Variants in RASGEF1A observed in about 807,000 individuals in gnomAD.
RASGEF1A encodes the protein RasGEF domain family member 1A, also known as ras-GEF domain-containing family member 1A.
In RASGEF1A, 18 loss-of-function variants were observed where a neutral mutation model predicts 56.4. That is an observed-to-expected ratio of 0.32 (90% CI 0.22 to 0.47). RASGEF1A has a LOEUF of 0.47. RASGEF1A is among the 20% of genes least tolerant of loss of function. The pLI is 1.00. For missense variants in RASGEF1A, 422 were observed against 627.1 expected (o/e 0.67, Z 3.49); for synonymous variants, 245 against 242.6 (o/e 1.01, Z -0.09).
intron 1 of RASGEF1A, among the ~76,000 whole-genome samples, chr10:43,216,174 C>A (rs1386200717): frequency 6.6e-6 from 1 of 152,148 alleles, no homozygotes; most frequent in African/African-American, 2.4e-5. Context: ...TGGCCTGGTC[C>A]CCACCCTGCC....
chr10:43,201,947 TG>T lies in RASGEF1A; in HGVS notation c.322-3del, dbSNP rs1839906631. 6.2e-7 allele frequency: 1 copy of T among 1,604,516 alleles called. No individual in the cohort carries two copies. Among genetic ancestry groups the T allele is most frequent in the Non-Finnish European group, 8.5e-7 (1 of 1,174,044 alleles). On this transcript the variant is annotated splice_polypyrimidine_tract_variant and splice_region_variant and intron_variant, in intron 3 of 12. Coordinates refer to ENST00000395810, the MANE Select transcript of RASGEF1A (RefSeq NM_145313.4). The stretch of plus-strand genomic sequence containing the variant: ...GGCTGAGAAAGACTTCAGCTTGGCC[TG>T]GGGCAGCAGGGGATACAGAGTAAGG...
At chr10:43,199,532 G>A (rs747114068) in intron 7 of RASGEF1A, 144 bp downstream of exon 7, 139 of 691,824 alleles carry the variant, frequency 2.0e-4, no homozygotes, top group Non-Finnish European at 3.1e-4. Flanking sequence ...GTCGGGGTTG[G>A]GGGACCACCA....
intron 1 of RASGEF1A, among the ~76,000 whole-genome samples, chr10:43,234,792 G>A (rs1239942843): frequency 1.3e-5 from 2 of 152,170 alleles, no homozygotes; most frequent in East Asian, 3.9e-4. Flanking sequence ...GGCAAAACAC[G>A]AAGCAAAATG....
At chr10:43,233,303 C>CGT (rs900355951) in intron 1 of RASGEF1A, among the ~76,000 whole-genome samples, 3 of 151,872 alleles carry the variant, frequency 2.0e-5, no homozygotes, top group Non-Finnish European at 4.4e-5. Flanking sequence ...TGTGTGTGCA[C>CGT]GTGTGTGTGT....
intron 1 of RASGEF1A, among the ~76,000 whole-genome samples, chr10:43,221,070 G>A (rs1199311882): frequency 6.6e-6 from 1 of 152,152 alleles, no homozygotes; most frequent in Non-Finnish European, 1.5e-5. Flanking sequence ...TTTTCCATTG[G>A]AGGCCACCAG....
intron 2 of RASGEF1A, among the ~76,000 whole-genome samples, chr10:43,205,131 G>A (rs950189448): frequency 7.2e-5 from 11 of 152,158 alleles, no homozygotes; most frequent in African/African-American, 1.9e-4. Flanking sequence ...CATCCCTCCC[G>A]CCCACCTCCC....
chr10:43,236,007 C>A (rs1275249044), intron 1 of RASGEF1A, among the ~76,000 whole-genome samples: 2 of 152,072 alleles, frequency 1.3e-5, no homozygotes, highest in Non-Finnish European at 2.9e-5. Context: ...ACAGATAATA[C>A]CCCTGACACC....
At chr10:43,221,526 T>C (rs915766584) in intron 1 of RASGEF1A, among the ~76,000 whole-genome samples, 1 of 152,152 alleles carries the variant, frequency 6.6e-6, no homozygotes, top group Non-Finnish European at 1.5e-5. Context: ...TCTGATGTGC[T>C]ACCCAGGGCA....
At chr10:43,264,613 C>T (rs1037478892) in intron 1 of RASGEF1A, among the ~76,000 whole-genome samples, 4 of 149,044 alleles carry the variant, frequency 2.7e-5, no homozygotes, top group African/African-American at 4.9e-5. Context: ...GCCAGAGTGC[C>T]GGACCCAAGC....
At chr10:43,217,740 G>A (rs934249929) in intron 1 of RASGEF1A, among the ~76,000 whole-genome samples, 1 of 152,174 alleles carries the variant, frequency 6.6e-6, no homozygotes, top group African/African-American at 2.4e-5. Context: ...CAGCAGGTGC[G>A]CCACATCAGA....
At chr10:43,201,436 G>C (rs1425452638) in intron 4 of RASGEF1A, among the ~76,000 whole-genome samples, 1 of 152,196 alleles carries the variant, frequency 6.6e-6, no homozygotes, top group African/African-American at 2.4e-5. Flanking sequence ...AAAAATGGGA[G>C]ACCGGTTTAA....
intron 1 of RASGEF1A, among the ~76,000 whole-genome samples, chr10:43,232,778 T>C (rs903045784): frequency 6.6e-6 from 1 of 152,174 alleles, no homozygotes; most frequent in African/African-American, 2.4e-5. Flanking sequence ...TGAGCCACCG[T>C]GCCCGGCCAA....
chr10:43,219,761 C>T (rs913853075), intron 1 of RASGEF1A, among the ~76,000 whole-genome samples: 7 of 152,324 alleles, frequency 4.6e-5, no homozygotes, highest in Admixed American at 3.9e-4. Context: ...CCCTCTACAG[C>T]CACCTAGGGT....
At chr10:43,258,882 C>A (rs1428358234) in intron 1 of RASGEF1A, among the ~76,000 whole-genome samples, 1 of 152,378 alleles carries the variant, frequency 6.6e-6, no homozygotes, top group African/African-American at 2.4e-5. Flanking sequence ...CCGGGAAGGA[C>A]AGCTGGGGGC....
intron 1 of RASGEF1A, among the ~76,000 whole-genome samples, chr10:43,261,668 C>T (rs946548245): frequency 3.3e-5 from 5 of 152,214 alleles, no homozygotes; most frequent in South Asian, 2.1e-4. Context: ...CACCCTTCCT[C>T]CCCCAGCTCT....
chr10:43,223,180 G>A (rs1840231797), intron 1 of RASGEF1A, among the ~76,000 whole-genome samples: 1 of 152,132 alleles, frequency 6.6e-6, no homozygotes. Flanking sequence ...ACCAAGATAT[G>A]TGAAAAACTG....
At chr10:43,231,745 T>C (rs1341940671) in intron 1 of RASGEF1A, among the ~76,000 whole-genome samples, 1 of 152,262 alleles carries the variant, frequency 6.6e-6, no homozygotes, top group Non-Finnish European at 1.5e-5. Flanking sequence ...TGCCTGAGGA[T>C]GCGAGGAGGC....
At chr10:43,219,234 C>T (rs573206370) in intron 1 of RASGEF1A, among the ~76,000 whole-genome samples, 1 of 152,206 alleles carries the variant, frequency 6.6e-6, no homozygotes, top group Non-Finnish European at 1.5e-5. Flanking sequence ...GCAGGGGTAA[C>T]GAGAGCCTCC....
intron 1 of RASGEF1A, among the ~76,000 whole-genome samples, chr10:43,246,926 G>T (rs1436674590): frequency 6.6e-6 from 1 of 152,174 alleles, no homozygotes; most frequent in Non-Finnish European, 1.5e-5. Context: ...AATTGGACTT[G>T]ATCCAATTTG....
Sources: allele counts gnomAD v4.1 joint callset (sites outside exome capture counted in the v4.1 genomes callset), GRCh38; gene constraint gnomAD v4.1.1; transcripts MANE v1.5; gene names NCBI Gene and HGNC (gene_info 2026-07-23, HGNC 2026-07-21).